The following CTNND2 variants were observed in gnomAD, a reference collection of about 807,000 sequenced individuals.
The protein encoded by CTNND2 is catenin delta-2.
In CTNND2, 22 loss-of-function variants were observed where a neutral mutation model predicts 144.4. The ratio of observed to expected loss-of-function variants is 0.15; its 90% CI spans 0.11 to 0.22. The LOEUF (loss-of-function observed/expected upper bound fraction) is 0.22, where lower values mean the gene tolerates loss of function less well. Among genes scored for constraint, CTNND2 ranks in the 10% least tolerant of loss-of-function variants. The pLI, the probability that CTNND2 is intolerant of heterozygous loss-of-function variation, is 1.00. For missense variants in CTNND2, 1,353 were observed against 1,618.8 expected (o/e 0.84, Z 2.82); for synonymous variants, 751 against 695.6 (o/e 1.08, Z -1.25).
rs556109909 is a variant in CTNND2, at chr5:11,336,492, TTCAACACCCTA to T, written c.1628+9869_1628+9879del. ...AGTCTGTGAATTTATACTTTTAGTT[TTCAACACCCTA>T]TCAACACTGATAAATAGAGAAGACA... On this transcript the variant is annotated intron_variant, in intron 9 of 21. Coordinates refer to ENST00000304623, the MANE Select transcript of CTNND2 (RefSeq NM_001332.4). Among the ~76,000 whole-genome samples, 289 of 152,306 alleles carry T rather than the reference TTCAACACCCTA, an allele frequency of 1.9e-3. 1 individual carries two copies. Among genetic ancestry groups the T allele is most frequent in the African/African-American group, 6.7e-3 (280 of 41,568 alleles).
At chr5:11,444,186 A>G (rs1764589973) in intron 3 of CTNND2, among the ~76,000 whole-genome samples, 2 of 152,228 alleles carry the variant, frequency 1.3e-5, no homozygotes. Context: ...GAAGTGATAC[A>G]GGTACTAAAT....
intron 3 of CTNND2, among the ~76,000 whole-genome samples, chr5:11,449,894 T>C (rs1437331602): frequency 2.6e-5 from 4 of 152,198 alleles, no homozygotes; most frequent in African/African-American, 9.7e-5. Flanking sequence ...AAGAAAGCTT[T>C]CCCTGGATCT....
intron 12 of CTNND2, among the ~76,000 whole-genome samples, chr5:11,153,377 A>G (rs1757930447): frequency 6.6e-6 from 1 of 152,224 alleles, no homozygotes; most frequent in Non-Finnish European, 1.5e-5. Flanking sequence ...ACACTTTCTC[A>G]AAAAGATTCT....
At chr5:11,816,049 A>C (rs375843296) in intron 1 of CTNND2, among the ~76,000 whole-genome samples, 1 of 152,130 alleles carries the variant, frequency 6.6e-6, no homozygotes, top group Non-Finnish European at 1.5e-5. Context: ...AGCACAGAAC[A>C]CAGTTGGAGC....
intron 2 of CTNND2, among the ~76,000 whole-genome samples, chr5:11,693,976 T>C (rs1318453799): frequency 6.6e-6 from 1 of 152,208 alleles, no homozygotes; most frequent in Non-Finnish European, 1.5e-5. Context: ...TTCATGAATA[T>C]TTAATTCATG....
At chr5:11,548,763 T>C (rs1348244423) in intron 3 of CTNND2, among the ~76,000 whole-genome samples, 2 of 152,216 alleles carry the variant, frequency 1.3e-5, no homozygotes, top group Non-Finnish European at 2.9e-5. Flanking sequence ...TTACATTTTG[T>C]TTCTTAAAAT....
intron 2 of CTNND2, among the ~76,000 whole-genome samples, chr5:11,622,626 G>C (rs1780906141): frequency 6.6e-6 from 1 of 152,088 alleles, no homozygotes; most frequent in South Asian, 2.1e-4. Context: ...CTATAGCTCT[G>C]TCAGGTGCTT....
Position 11,631,195 on chromosome 5 carries a change from A to G in CTNND2, c.175-66139T>C, listed in dbSNP as rs565147961. Among the ~76,000 whole-genome samples, 6 of 152,280 alleles carry G rather than the reference A, an allele frequency of 3.9e-5. No homozygotes were observed. The East Asian group carries it at 1.2e-3, about 29-fold the overall frequency. ...TATGTTATTCTAGACATTTTATAAGACTACTTTTCACATTTAGGTCTCCAA... is the reference window on the plus strand; with the variant it reads ...TATGTTATTCTAGACATTTTATAAGGCTACTTTTCACATTTAGGTCTCCAA... On this transcript the variant is annotated intron_variant, in intron 2 of 21. Transcript: ENST00000304623.
intron 11 of CTNND2, among the ~76,000 whole-genome samples, chr5:11,174,007 G>A (rs1760209746): frequency 1.3e-5 from 2 of 152,152 alleles, no homozygotes; most frequent in African/African-American, 4.8e-5. Context: ...CAGCAGAGAT[G>A]GACGTGGTCA....
chr5:11,558,380 GTGAC>G (rs35145301), intron 3 of CTNND2, among the ~76,000 whole-genome samples: 3,144 of 45,708 alleles, frequency 0.069, 48 homozygotes, highest in Non-Finnish European at 0.12. Flanking sequence ...GTGTGTGTGT[GTGAC>G]ACACAAGGTC....
intron 16 of CTNND2, among the ~76,000 whole-genome samples, chr5:11,071,687 G>T (rs760561868): frequency 6.9e-6 from 1 of 145,246 alleles, no homozygotes. Context: ...TGATGTGGGA[G>T]GGGGGAGTGC....
intron 2 of CTNND2, among the ~76,000 whole-genome samples, chr5:11,715,778 C>A (rs879553837): frequency 1.3e-5 from 2 of 152,020 alleles, no homozygotes; most frequent in Non-Finnish European, 2.9e-5. Flanking sequence ...CATTTGGTTG[C>A]GACAGAAGGT....
chr5:11,824,511 G>C (rs1389794674), intron 1 of CTNND2, among the ~76,000 whole-genome samples: 1 of 152,144 alleles, frequency 6.6e-6, no homozygotes, highest in Non-Finnish European at 1.5e-5. Flanking sequence ...TTTGGGTAAA[G>C]GGTAGAAGCA....
chr5:11,837,994 C>G (rs1031351360), intron 1 of CTNND2, among the ~76,000 whole-genome samples: 1 of 152,188 alleles, frequency 6.6e-6, no homozygotes, highest in African/African-American at 2.4e-5. Context: ...TTACCTTCAG[C>G]ATGGGGCATC....
At position 11,903,184 on chromosome 5, in the gene CTNND2, C is replaced by A; in HGVS notation, c.37+633G>T. On this transcript the variant is annotated intron_variant, in intron 1 of 21. Transcript: ENST00000304623. The surrounding 1 kb of genome is among the most constrained non-coding windows in gnomAD (Gnocchi z 5.4). ...CAGCCTTCCAAACCTGGCTTTCAGG[C>A]GGCGCTTTCTGGAGCCTGGCTGTCT... 1.0e-6 allele frequency: 1 copy of A among 985,402 alleles called. No homozygotes were observed. The highest frequency in any genetic ancestry group is 1.2e-6 in the Non-Finnish European group (1 of 829,916). The allele number at this position is 985,402 out of a possible 1,614,324, so 61.0% of individuals were successfully genotyped here.
chr5:11,886,502 T>C (rs1418212043), intron 1 of CTNND2, among the ~76,000 whole-genome samples: 1 of 152,190 alleles, frequency 6.6e-6, no homozygotes, highest in Admixed American at 6.5e-5. Context: ...AGAAATCAAG[T>C]TCAATTTGGT....
intron 2 of CTNND2, among the ~76,000 whole-genome samples, chr5:11,674,790 A>G (rs781005016): frequency 1.4e-4 from 21 of 152,078 alleles, no homozygotes; most frequent in Admixed American, 4.6e-4. Context: ...CAGTGGTGCA[A>G]TCTCAGCTCA....
chr5:11,136,562 T>C (rs1460573597), intron 12 of CTNND2, among the ~76,000 whole-genome samples: 2 of 152,020 alleles, frequency 1.3e-5, no homozygotes, highest in Non-Finnish European at 2.9e-5. Flanking sequence ...GCTTGTGGAA[T>C]AGATATGTGT....
At chr5:11,101,690 C>T (rs1200328855) in intron 14 of CTNND2, among the ~76,000 whole-genome samples, 2 of 152,154 alleles carry the variant, frequency 1.3e-5, no homozygotes, top group Non-Finnish European at 2.9e-5. Context: ...TGGACTATAT[C>T]TTGAGAACCT....
Sources: allele counts gnomAD v4.1 joint callset (sites outside exome capture counted in the v4.1 genomes callset), GRCh38; gene constraint gnomAD v4.1.1; non-coding constraint Gnocchi (gnomAD v3.1); transcripts MANE v1.5; gene names NCBI Gene and HGNC (gene_info 2026-07-23, HGNC 2026-07-21).